The following THSD7B variants were observed in gnomAD, a reference collection of about 807,000 sequenced individuals.
THSD7B encodes the protein thrombospondin type 1 domain containing 7B.
THSD7B carries 138 observed loss-of-function variants against 213.6 expected under a neutral mutation model. The observed-to-expected ratio is 0.65, with a 90% CI of 0.56 to 0.74. THSD7B has a LOEUF of 0.74. Among genes scored for constraint, THSD7B ranks in the 30% least tolerant of loss-of-function variants. The probability of loss-of-function intolerance (pLI) is 0.00; values close to 1 mark genes in which losing one functional copy is unlikely to be tolerated. For synonymous variants in THSD7B, 742 were observed against 687.0 expected, an observed-to-expected ratio of 1.08 and a Z score of -1.25; for missense variants, 1,931 against 1,991.5, an observed-to-expected ratio of 0.97 and a Z score of 0.58.
chr2:137,649,030 C>CT (rs971469016), intron 21 of THSD7B, among the ~76,000 whole-genome samples: 2 of 151,960 alleles, frequency 1.3e-5, no homozygotes, highest in African/African-American at 4.8e-5. Context: ...TAATGTTGAA[C>CT]TTTTTTTTCA....
rs766376954 is a variant in THSD7B, at chr2:137,231,215, T to C, written c.1895T>C (p.Ile632Thr). 2 of 1,611,308 alleles carry C rather than the reference T, an allele frequency of 1.2e-6. No individual in the cohort carries two copies. The highest frequency in any genetic ancestry group is 3.4e-5 in the Admixed American group (2 of 59,582). ...SDGKQTRSRTILALAGEGGKP... is the reference protein window; with the variant it reads ...SDGKQTRSRTTLALAGEGGKP... Reference sequence around the variant, plus strand: ...GGGAAACAGACCAGGTCAAGAACTATCCTGGCACTGGCTGGGGAAGGTGAG... The same window carrying C: ...GGGAAACAGACCAGGTCAAGAACTACCCTGGCACTGGCTGGGGAAGGTGAG... Residue 632 changes from isoleucine (I) to threonine (T), a missense_variant, in exon 8 of 28, where the codon ATC becomes ACC. Coordinates refer to ENST00000409968, the MANE Select transcript of THSD7B (RefSeq NM_001316349.2).
chr2:137,115,215 T>TGTGGC lies in THSD7B; in HGVS notation c.1293_1297dup (p.Gly433ValfsTer22). ...CCACTGGCATGTGACGGGACCCGTGTGTGGCGGTGGGATCCAGACCCGGGA... is the reference window on the plus strand; with the variant it reads ...CCACTGGCATGTGACGGGACCCGTGTGTGGCGTGGCGGTGGGATCCAGACCCGGGA... On this transcript the variant is annotated frameshift_variant, in exon 5 of 28. Transcript: ENST00000409968. LOFTEE classifies it high-confidence loss of function. 6.2e-7 allele frequency: 1 copy of TGTGGC among 1,613,844 alleles called. No homozygotes were observed. The highest frequency in any genetic ancestry group is 8.5e-7 in the Non-Finnish European group (1 of 1,179,820).
Position 136,841,801 on chromosome 2 carries a change from C to T in THSD7B, c.-35-40343C>T, listed in dbSNP as rs185175364. Among the ~76,000 whole-genome samples the T allele has an allele frequency of 5.9e-5, 9 of 151,940 alleles. No homozygotes were observed. The East Asian group carries it at 7.8e-4, about 13-fold the overall frequency. On this transcript the variant is annotated intron_variant, in intron 1 of 27. Transcript: ENST00000409968. ...GGTGTATCTTCTAGATGGTTGCTTA[C>T]GAATCTGGATCTCAGACTAGCAGTC...
chr2:136,786,153 C>T (rs1386537575), intron 1 of THSD7B, among the ~76,000 whole-genome samples: 1 of 116,214 alleles, frequency 8.6e-6, no homozygotes, highest in African/African-American at 3.7e-5. Context: ...ACAATACTGA[C>T]AAGCAACAAT....
In THSD7B at chr2:137,310,160, C is replaced by T. The variant is rs576703159; in HGVS notation, c.2500+34134C>T. 3.0e-4 allele frequency among the ~76,000 whole-genome samples: 45 copies of T among 152,208 alleles called. 1 individual carries two copies. The South Asian group carries it at 6.3e-3, about 21-fold the overall frequency. ...TGTTCCTATTTCTCCACATCCTCTC[C>T]GGCACCTGTTTCCTGACTTTTTAAT... On this transcript the variant is annotated intron_variant, in intron 12 of 27. Coordinates refer to ENST00000409968, the MANE Select transcript of THSD7B (RefSeq NM_001316349.2).
At chr2:137,408,478 C>T (rs1445560260) in intron 13 of THSD7B, among the ~76,000 whole-genome samples, 1 of 152,158 alleles carries the variant, frequency 6.6e-6, no homozygotes, top group African/African-American at 2.4e-5. Context: ...AGCTTGCGAT[C>T]TAATTGGAGA....
chr2:137,600,706 C>A (rs903063946), intron 17 of THSD7B, among the ~76,000 whole-genome samples: 1 of 152,176 alleles, frequency 6.6e-6, no homozygotes, highest in Admixed American at 6.6e-5. Flanking sequence ...CCACTGCACT[C>A]CAGTGTGGGC....
chr2:137,355,885 T>C (rs1298484786), intron 12 of THSD7B, among the ~76,000 whole-genome samples: 1 of 152,212 alleles, frequency 6.6e-6, no homozygotes, highest in Non-Finnish European at 1.5e-5. Flanking sequence ...AAAGCTAGGC[T>C]AACGCTATGC....
chr2:137,520,402 T>C (rs1010555810), intron 15 of THSD7B, among the ~76,000 whole-genome samples: 7 of 152,246 alleles, frequency 4.6e-5, no homozygotes, highest in African/African-American at 1.7e-4. Flanking sequence ...TCTGTATATA[T>C]AATGACAACC....
At chr2:137,397,256 G>T (rs1686217066) in intron 12 of THSD7B, among the ~76,000 whole-genome samples, 1 of 152,052 alleles carries the variant, frequency 6.6e-6, no homozygotes, top group Admixed American at 6.5e-5. Context: ...TTTCTTCCTA[G>T]TCTCGATGTT....
chr2:137,653,143 G>T (rs867394013), intron 21 of THSD7B, among the ~76,000 whole-genome samples: 1 of 152,084 alleles, frequency 6.6e-6, no homozygotes. Flanking sequence ...GCTTTTGTTT[G>T]TCTGTAAAGG....
chr2:137,212,407 C>T (rs10173347), intron 7 of THSD7B, among the ~76,000 whole-genome samples: 90,737 of 151,876 alleles, frequency 0.6, 27,516 homozygotes, highest in South Asian at 0.71. Flanking sequence ...GAAAACTCTT[C>T]AGAATATTGA....
At chr2:137,070,967 G>A (rs1355458292) in intron 3 of THSD7B, among the ~76,000 whole-genome samples, 1 of 152,140 alleles carries the variant, frequency 6.6e-6, no homozygotes, top group Non-Finnish European at 1.5e-5. Flanking sequence ...TGTCGTTGTT[G>A]GACATTTAGG....
intron 3 of THSD7B, among the ~76,000 whole-genome samples, chr2:137,072,929 C>T (rs976673246): frequency 6.6e-5 from 10 of 152,134 alleles, no homozygotes; most frequent in Non-Finnish European, 1.5e-4. Context: ...TATGTTGAAC[C>T]AGCCTTGCAT....
chr2:137,651,791 C>A (rs1201725757), intron 21 of THSD7B, among the ~76,000 whole-genome samples: 1 of 151,692 alleles, frequency 6.6e-6, no homozygotes, highest in Non-Finnish European at 1.5e-5. Flanking sequence ...TTTACATTTT[C>A]TTAATTTTTT....
At chr2:137,528,062 C>T (rs1680312164) in intron 15 of THSD7B, among the ~76,000 whole-genome samples, 1 of 152,090 alleles carries the variant, frequency 6.6e-6, no homozygotes, top group Non-Finnish European at 1.5e-5. Flanking sequence ...AACATTGATA[C>T]ACACTTGATT....
intron 27 of THSD7B, among the ~76,000 whole-genome samples, chr2:137,676,083 C>A (rs1293686569): frequency 1.3e-5 from 2 of 152,158 alleles, no homozygotes; most frequent in African/African-American, 2.4e-5. Flanking sequence ...CACACTCTGG[C>A]ATCTTGGCAG....
chr2:137,259,743 C>A (rs1682396913), intron 10 of THSD7B, among the ~76,000 whole-genome samples: 1 of 152,118 alleles, frequency 6.6e-6, no homozygotes. Flanking sequence ...TTCAAATTGC[C>A]TTTCTCCCTC....
At chr2:137,424,432 G>A (rs1044081034) in intron 14 of THSD7B, among the ~76,000 whole-genome samples, 33 of 152,176 alleles carry the variant, frequency 2.2e-4, no homozygotes, top group African/African-American at 7.7e-4. Context: ...TATGAGAAAA[G>A]AAAATTATAG....
Sources: allele counts gnomAD v4.1 joint callset (sites outside exome capture counted in the v4.1 genomes callset), GRCh38; gene constraint gnomAD v4.1.1; transcripts MANE v1.5; gene names NCBI Gene and HGNC (gene_info 2026-07-23, HGNC 2026-07-21).